Variants in ASCC3 observed in about 807,000 individuals in gnomAD.
ASCC3 encodes activating signal cointegrator 1 complex subunit 3.
A neutral mutation model predicts 256.3 loss-of-function variants in ASCC3; 158 were observed. The ratio of observed to expected loss-of-function variants is 0.62; its 90% CI spans 0.54 to 0.70. The LOEUF is 0.70. Among genes scored for constraint, ASCC3 ranks in the 30% least tolerant of loss-of-function variants. ASCC3 has a pLI of 0.00. For synonymous variants in ASCC3, 948 were observed against 883.4 expected, an observed-to-expected ratio of 1.07 and a Z score of -1.30; for missense variants, 2,259 against 2,626.0, an observed-to-expected ratio of 0.86 and a Z score of 3.05.
chr6:100,684,390 A>G (rs1010802618), intron 13 of ASCC3, among the ~76,000 whole-genome samples: 1 of 152,156 alleles, frequency 6.6e-6, no homozygotes, highest in Non-Finnish European at 1.5e-5. Flanking sequence ...TGTTAAAAAC[A>G]CAGATTGCTG....
chr6:100,614,627 C>G (rs1484148539), intron 30 of ASCC3, among the ~76,000 whole-genome samples: 1 of 152,156 alleles, frequency 6.6e-6, no homozygotes, highest in Non-Finnish European at 1.5e-5. Flanking sequence ...CCAGTCCATC[C>G]TCTCAAGCAC....
Position 100,647,432 on chromosome 6 carries a change from C to T in ASCC3, c.3272G>A (p.Arg1091His), listed in dbSNP as rs748718127. Residue 1091 changes from arginine to histidine, a missense_variant, in exon 21 of 42, where the codon CGT (arginine) becomes CAT (histidine). By Grantham distance (29) the Arg-to-His change is conservative. Coordinates refer to ENST00000369162, the MANE Select transcript of ASCC3 (RefSeq NM_006828.4). ...CCTCAGAGCAATTTCAAAAAGAGCACGGACAATTCTAGCTGCATTCTAAAA... is the reference window on the plus strand; with the variant it reads ...CCTCAGAGCAATTTCAAAAAGAGCATGGACAATTCTAGCTGCATTCTAAAA... ...YVAQNAARIV[R>H]ALFEIALRKR... 42 of 1,613,668 alleles carry T rather than the reference C, an allele frequency of 2.6e-5. 1 individual carries two copies. The South Asian group carries it at 2.6e-4, about 10-fold the overall frequency.
At position 100,807,734 on chromosome 6, in the gene ASCC3, T is replaced by G. The variant is rs538224421; in HGVS notation, c.802-1854A>C. Among the ~76,000 whole-genome samples, 7 of 152,006 alleles carry G rather than the reference T, an allele frequency of 4.6e-5. No individual in the cohort carries two copies. In the South Asian group the frequency reaches 1.2e-3, roughly 27 times the overall value. ...ATGTCCGTAAGTAATGCAATAAAAATTATCAGTTTTGTAAATTTCATATCA... is the reference window on the plus strand; with the variant it reads ...ATGTCCGTAAGTAATGCAATAAAAAGTATCAGTTTTGTAAATTTCATATCA... On this transcript the variant is annotated intron_variant, in intron 4 of 41. Transcript: ENST00000369162.
chr6:100,704,958 T>C (rs1204476552), intron 13 of ASCC3, among the ~76,000 whole-genome samples: 1 of 152,106 alleles, frequency 6.6e-6, no homozygotes, highest in Non-Finnish European at 1.5e-5. Flanking sequence ...AGTTAAGGCA[T>C]TAATTATTTT....
At chr6:100,655,858 T>C in intron 16 of ASCC3, 40 bp from the exon 17 acceptor site, 2 of 1,603,596 alleles carry the variant, frequency 1.2e-6, no homozygotes, top group Non-Finnish European at 1.7e-6. Flanking sequence ...TGTATTAAAG[T>C]TGAACATAAA....
intron 11 of ASCC3, among the ~76,000 whole-genome samples, chr6:100,724,396 G>A (rs56281843): frequency 0.027 from 4,134 of 151,954 alleles, 196 homozygotes; most frequent in African/African-American, 0.096. Context: ...AAGGGAAATT[G>A]AATTGAGATT....
chr6:100,742,999 T>C (rs992724479), intron 10 of ASCC3, among the ~76,000 whole-genome samples: 2 of 152,202 alleles, frequency 1.3e-5, no homozygotes, highest in African/African-American at 4.8e-5. Context: ...GCAAAAGTCC[T>C]GGGTTTCTGT....
chr6:100,798,581 T>A (rs1452251978), intron 8 of ASCC3, 132 bp downstream of exon 8: 5 of 1,351,662 alleles, frequency 3.7e-6, no homozygotes, highest in Admixed American at 1.9e-5. Context: ...TGTAATTCTC[T>A]AGTAACCAAC....
intron 6 of ASCC3, among the ~76,000 whole-genome samples, 162 bp downstream of exon 6, chr6:100,800,135 TTTC>T (rs1488055345): frequency 1.3e-5 from 2 of 152,064 alleles, no homozygotes; most frequent in Non-Finnish European, 2.9e-5. Context: ...AGACCATTGC[TTTC>T]TTATCCCAGA....
intron 1 of ASCC3, among the ~76,000 whole-genome samples, chr6:100,872,992 C>G (rs193209942): frequency 1.4e-4 from 22 of 152,174 alleles, no homozygotes; most frequent in Admixed American, 2.0e-4. Flanking sequence ...AACACCCCCC[C>G]CAAAAAATCA....
intron 10 of ASCC3, among the ~76,000 whole-genome samples, chr6:100,739,477 C>G (rs750202207): frequency 6.6e-6 from 1 of 152,112 alleles, no homozygotes; most frequent in Non-Finnish European, 1.5e-5. Flanking sequence ...GGAGGAGTCC[C>G]TCCTTTAAAT....
intron 13 of ASCC3, among the ~76,000 whole-genome samples, chr6:100,705,540 T>G (rs1383774906): frequency 6.6e-6 from 1 of 151,996 alleles, no homozygotes; most frequent in East Asian, 1.9e-4. Flanking sequence ...ACGTAGCTTC[T>G]CTGATAAAAC....
chr6:100,815,061 T>A (rs1196923538), intron 4 of ASCC3, among the ~76,000 whole-genome samples: 4 of 152,042 alleles, frequency 2.6e-5, no homozygotes, highest in Non-Finnish European at 5.9e-5. Context: ...AACTTTTTGA[T>A]CAGGAAAGTC....
intron 36 of ASCC3, among the ~76,000 whole-genome samples, chr6:100,569,354 GTT>G: frequency 6.6e-6 from 1 of 151,998 alleles, no homozygotes; most frequent in East Asian, 1.9e-4. Context: ...ATACCATGCT[GTT>G]TTGGTTACTG....
chr6:100,535,009 A>G (rs985249046), intron 37 of ASCC3, among the ~76,000 whole-genome samples: 1 of 152,222 alleles, frequency 6.6e-6, no homozygotes, highest in Non-Finnish European at 1.5e-5. Flanking sequence ...ACTAAGACCT[A>G]CTTCCAAGTC....
intron 14 of ASCC3, among the ~76,000 whole-genome samples, chr6:100,673,863 T>C (rs755032575): frequency 1.3e-5 from 2 of 152,168 alleles, no homozygotes; most frequent in African/African-American, 2.4e-5. Context: ...CACCTTACAT[T>C]CCTGTGAATA....
intron 2 of ASCC3, among the ~76,000 whole-genome samples, chr6:100,864,742 T>C (rs1773400294): frequency 6.6e-6 from 1 of 152,180 alleles, no homozygotes; most frequent in South Asian, 2.1e-4. Flanking sequence ...AAGATTCTTT[T>C]CTATACACAC....
At chr6:100,744,088 G>A (rs1054404140) in intron 10 of ASCC3, among the ~76,000 whole-genome samples, 2 of 152,132 alleles carry the variant, frequency 1.3e-5, no homozygotes, top group Admixed American at 6.5e-5. Flanking sequence ...TACCCTGAAT[G>A]TCCTTACTTA....
At chr6:100,634,185 T>C (rs767470712) in intron 25 of ASCC3, among the ~76,000 whole-genome samples, 8 of 152,218 alleles carry the variant, frequency 5.3e-5, no homozygotes, top group Admixed American at 1.3e-4. Flanking sequence ...ATATAATGTA[T>C]AGTGATCAGA....
Sources: gnomAD v4.1 joint callset for allele counts (sites outside exome capture counted in the v4.1 genomes callset) on GRCh38, gnomAD v4.1.1 for gene constraint, MANE v1.5 for transcripts, NCBI Gene and HGNC (gene_info 2026-07-23, HGNC 2026-07-21) for gene names.